MYLK4: variants seen among roughly 807,000 people sequenced by gnomAD.
MYLK4 encodes the protein myosin light chain kinase family member 4, also known as caMLCK like.
In MYLK4, 46 loss-of-function variants were observed where a neutral mutation model predicts 48.1. That is an observed-to-expected ratio of 0.96 (90% CI 0.75 to 1.22). MYLK4 has a LOEUF of 1.22. MYLK4 is among the 50% of genes most tolerant of loss of function. The pLI, the probability that MYLK4 is intolerant of heterozygous loss-of-function variation, is 0.00. For missense variants in MYLK4, 451 were observed against 486.1 expected (o/e 0.93, Z 0.68); for synonymous variants, 170 against 180.8 (o/e 0.94, Z 0.48).
At chr6:2,693,958 C>T (rs1761917016) in intron 2 of MYLK4, among the ~76,000 whole-genome samples, 1 of 152,024 alleles carries the variant, frequency 6.6e-6, no homozygotes. Flanking sequence ...GGGGTTTTGC[C>T]ACATTTGCCA....
the MYLK4 span, among the ~76,000 whole-genome samples, chr6:2,764,492 C>A: frequency 6.6e-6 from 1 of 152,178 alleles, no homozygotes; most frequent in Non-Finnish European, 1.5e-5. Flanking sequence ...TCCCTCAATT[C>A]ATTTACCTCT....
chr6:2,759,364 C>T, the MYLK4 span, among the ~76,000 whole-genome samples: 4 of 152,302 alleles, frequency 2.6e-5, no homozygotes, highest in South Asian at 2.1e-4. Flanking sequence ...GCCTTGGCCT[C>T]GCAAACTGCT....
chr6:2,737,839 G>A (rs945879798), intron 2 of MYLK4, among the ~76,000 whole-genome samples: 1 of 151,802 alleles, frequency 6.6e-6, no homozygotes, highest in Non-Finnish European at 1.5e-5. Context: ...TTACTAGAAT[G>A]GTAGATGGTG....
At position 2,685,953 on chromosome 6, in the gene MYLK4, A is replaced by G. The variant is rs1761525454; in HGVS notation, c.342-377T>C. 1.3e-5 allele frequency among the ~76,000 whole-genome samples: 2 copies of G among 152,138 alleles called. No individual in the cohort carries two copies. The highest frequency in any genetic ancestry group is 4.1e-4 in the South Asian group (2 of 4,826). ...TGTGATGGCATGTGTCTGTAGTCCC[A>G]GCTACTCGGGAGGCTGAGGCAGGAG... On this transcript the variant is annotated intron_variant, in intron 4 of 12. Transcript: ENST00000274643. The surrounding 1 kb of genome is among the most constrained non-coding windows in gnomAD (Gnocchi z 4.5).
At chr6:2,696,742 T>C (rs952697713) in intron 2 of MYLK4, among the ~76,000 whole-genome samples, 1 of 152,392 alleles carries the variant, frequency 6.6e-6, no homozygotes, top group African/African-American at 2.4e-5. Flanking sequence ...TAAAAGTATC[T>C]CTGACATATT....
In MYLK4 at chr6:2,685,641, A is replaced by C; in HGVS notation, c.342-65T>G. 2.8e-6 allele frequency: 4 copies of C among 1,428,338 alleles called. No homozygotes were observed. In the South Asian group the frequency reaches 4.7e-5, roughly 17 times the overall value. 88.5% of individuals were successfully genotyped at this position (1,428,338 alleles called of 1,614,324 possible). A position where few individuals can be genotyped will look rare whatever the true frequency, so the allele number is the denominator to read the frequency against. ...GTCAGCTGCCGAGTGGACAGCGCAC[A>C]GTGGCCCCAGTATTTCTCCTGCTGA... On this transcript the variant is annotated intron_variant, in intron 4 of 12. Coordinates refer to ENST00000274643, the MANE Select transcript of MYLK4 (RefSeq NM_001012418.5). The surrounding 1 kb of genome is among the most constrained non-coding windows in gnomAD (Gnocchi z 4.5).
Position 2,680,299 on chromosome 6 carries a change from G to GAGAA in MYLK4, c.688-12_688-9dup, listed in dbSNP as rs1194231437. The GAGAA allele has an allele frequency of 6.2e-7, 1 of 1,613,758 alleles. No individual in the cohort carries two copies. Among genetic ancestry groups the GAGAA allele is most frequent in the Non-Finnish European group, 8.5e-7 (1 of 1,179,942 alleles). On this transcript the variant is annotated splice_polypyrimidine_tract_variant and intron_variant, in intron 7 of 12. Transcript: ENST00000274643. ...ACACAGGATATTCTCAGGCTGCCAG[G>GAGAA]AGAAAGAGACACATTAGCAATGAAA...
At chr6:2,765,489 C>T in the MYLK4 span, 6 of 1,168,174 alleles carry the variant, frequency 5.1e-6, no homozygotes, top group East Asian at 3.5e-5. Flanking sequence ...GCGCCCTCCT[C>T]CGGCCCGCGA....
chr6:2,671,645 G>A (rs139740640), intron 11 of MYLK4, among the ~76,000 whole-genome samples: 14 of 152,296 alleles, frequency 9.2e-5, no homozygotes, highest in Middle Eastern at 6.8e-3. Context: ...AAAAACTCAC[G>A]CGTGTATAGC....
intron 2 of MYLK4, among the ~76,000 whole-genome samples, chr6:2,729,328 G>A (rs1582106189): frequency 2.6e-5 from 4 of 152,348 alleles, no homozygotes; most frequent in African/African-American, 9.6e-5. Flanking sequence ...GAGAATTCAG[G>A]GACCAGCAAG....
rs1388013021 is a variant in MYLK4, at chr6:2,685,226, G to A, written c.545+70C>T. 8.8e-7 allele frequency: 1 copy of A among 1,137,498 alleles called. No individual in the cohort carries two copies. The highest frequency in any genetic ancestry group is 1.3e-6 in the Non-Finnish European group (1 of 751,590). 70.5% of individuals were successfully genotyped at this position (1,137,498 alleles called of 1,614,324 possible). A position where few individuals can be genotyped will look rare whatever the true frequency, so the allele number is the denominator to read the frequency against. On this transcript the variant is annotated intron_variant, in intron 6 of 12. Transcript: ENST00000274643. The surrounding 1 kb of genome is among the most constrained non-coding windows in gnomAD (Gnocchi z 4.5). Reference sequence around the variant, plus strand: ...TCTGGTCCCGCTACAGCAGGACGGAGCTACTGAGGCACGGTCACGGTCATG... The same window carrying A: ...TCTGGTCCCGCTACAGCAGGACGGAACTACTGAGGCACGGTCACGGTCATG...
chr6:2,674,441 T>C (rs1761008002), intron 11 of MYLK4, among the ~76,000 whole-genome samples: 1 of 152,256 alleles, frequency 6.6e-6, no homozygotes, highest in Non-Finnish European at 1.5e-5. Flanking sequence ...TTATAGGTTA[T>C]ATGTGTGTAT....
At chr6:2,690,899 G>A (rs1016682766) in intron 3 of MYLK4, among the ~76,000 whole-genome samples, 14 of 140,490 alleles carry the variant, frequency 1.0e-4, no homozygotes, top group Admixed American at 2.3e-4. Context: ...GCGCGATCTC[G>A]GCTCACTGCA....
At chr6:2,680,322 A>C (rs1461233453) in intron 7 of MYLK4, 31 bp from the exon 8 acceptor site, 1 of 1,612,732 alleles carries the variant, frequency 6.2e-7, no homozygotes, top group South Asian at 1.1e-5. Context: ...ATTAGCAATG[A>C]AAACAACCAT....
rs77022879 is a variant in MYLK4, at chr6:2,749,551, T to A, written c.-112-145A>T. ...TCAGGAAAAGAAATACTAACATTCA[T>A]ATTGAGTTTCCAACATTGGAACTTT... is the stretch of plus-strand genomic sequence containing the variant. On this transcript the variant is annotated intron_variant, in intron 1 of 12. Coordinates refer to ENST00000274643, the MANE Select transcript of MYLK4 (RefSeq NM_001012418.5). The A allele has an allele frequency of 6.0e-3, 2,003 of 331,798 alleles. 47 individuals are homozygous for A. The highest frequency in any genetic ancestry group is 0.042 in the Admixed American group (948 of 22,374). The allele number at this position is 331,798 out of a possible 1,614,324, so 20.6% of individuals were successfully genotyped here.
chr6:2,679,558 A>G, intron 8 of MYLK4, 150 bp from the exon 9 acceptor site: 2 of 1,054,672 alleles, frequency 1.9e-6, no homozygotes, highest in East Asian at 2.4e-5. Flanking sequence ...ATCAAGCAAG[A>G]GGCTCAAAAA....
chr6:2,759,537 C>A, the MYLK4 span, among the ~76,000 whole-genome samples: 10 of 152,178 alleles, frequency 6.6e-5, no homozygotes, highest in African/African-American at 2.4e-4. Flanking sequence ...ATTCTACATC[C>A]TACACACTGT....
chr6:2,669,458 C>T (rs1292550815), intron 12 of MYLK4, among the ~76,000 whole-genome samples: 1 of 152,214 alleles, frequency 6.6e-6, no homozygotes, highest in African/African-American at 2.4e-5. Context: ...GGCAGCAGGC[C>T]CGCCTTGGAA....
intron 12 of MYLK4, 49 bp downstream of exon 12, chr6:2,671,227 T>A: frequency 8.0e-7 from 1 of 1,252,068 alleles, no homozygotes; most frequent in South Asian, 1.2e-5. Flanking sequence ...TTCTTATTCC[T>A]ATCTCTTAAG....
Sources: allele counts gnomAD v4.1 joint callset (sites outside exome capture counted in the v4.1 genomes callset), GRCh38; gene constraint gnomAD v4.1.1; non-coding constraint Gnocchi (gnomAD v3.1); transcripts MANE v1.5; gene names NCBI Gene and HGNC (gene_info 2026-07-23, HGNC 2026-07-21).